The following KCNB2 variants were observed in gnomAD, a reference collection of about 807,000 sequenced individuals.
KCNB2 encodes potassium voltage-gated channel subfamily B member 2.
A neutral mutation model predicts 61.5 loss-of-function variants in KCNB2; 15 were observed. The observed-to-expected ratio is 0.24, with a 90% CI of 0.16 to 0.38. KCNB2 has a LOEUF of 0.38. Ranked by LOEUF, KCNB2 falls within the 10% of genes least tolerant of loss-of-function variation. The pLI, the probability that KCNB2 is intolerant of heterozygous loss-of-function variation, is 1.00. For missense variants in KCNB2, 828 were observed against 1,125.2 expected, an observed-to-expected ratio of 0.74 and a Z score of 3.78; for synonymous variants, 457 against 446.0, an observed-to-expected ratio of 1.02 and a Z score of -0.31.
At position 72,816,927 on chromosome 8, in the gene KCNB2, G is replaced by T. The variant is rs563007601; in HGVS notation, c.580-119008G>T. On this transcript the variant is annotated intron_variant, in intron 2 of 2. Coordinates refer to ENST00000523207, the MANE Select transcript of KCNB2 (RefSeq NM_004770.3). Reference sequence around the variant, plus strand: ...ACTGTTCTTTGATAGCTCAGAAAACGTCCAGGTCTTTCTGTGTCTGTGGGG... The same window carrying T: ...ACTGTTCTTTGATAGCTCAGAAAACTTCCAGGTCTTTCTGTGTCTGTGGGG... Among the ~76,000 whole-genome samples, 34 of 152,256 alleles carry T rather than the reference G, an allele frequency of 2.2e-4. No homozygotes were observed. In the South Asian group the frequency reaches 6.9e-3, roughly 31 times the overall value.
At chr8:72,575,757 CA>C (rs1402679009) in intron 2 of KCNB2, among the ~76,000 whole-genome samples, 1 of 152,012 alleles carries the variant, frequency 6.6e-6, no homozygotes, top group Admixed American at 6.6e-5. Context: ...TAATTTAGAG[CA>C]AAAAATAGAA....
chr8:72,725,591 G>GTGTATATATA (rs368891799), intron 2 of KCNB2, among the ~76,000 whole-genome samples: 4 of 51,956 alleles, frequency 7.7e-5, no homozygotes, highest in Admixed American at 2.2e-4. Context: ...ATATATGTAT[G>GTGTATATATA]TATATATATA....
At chr8:72,660,331 G>T (rs1181682988) in intron 2 of KCNB2, among the ~76,000 whole-genome samples, 8 of 152,248 alleles carry the variant, frequency 5.3e-5, no homozygotes, top group South Asian at 2.1e-4. Flanking sequence ...GAGGATGAAG[G>T]TGGTCCGATG....
chr8:72,705,748 C>G (rs929572164), intron 2 of KCNB2, among the ~76,000 whole-genome samples: 22 of 152,100 alleles, frequency 1.4e-4, no homozygotes, highest in African/African-American at 4.3e-4. Context: ...TAAGAGACAC[C>G]AGAGTTGGTT....
chr8:72,630,919 G>T (rs1805868122), intron 2 of KCNB2, among the ~76,000 whole-genome samples: 1 of 152,040 alleles, frequency 6.6e-6, no homozygotes, highest in Non-Finnish European at 1.5e-5. Context: ...AGTGCAATAG[G>T]CGCCCCTTAT....
intron 2 of KCNB2, among the ~76,000 whole-genome samples, chr8:72,806,293 G>A (rs181612516): frequency 6.6e-6 from 1 of 151,462 alleles, no homozygotes; most frequent in Non-Finnish European, 1.5e-5. Context: ...AGAAGGCGGA[G>A]GTTGCAGTGA....
chr8:72,874,070 T>TA (rs1269579700), intron 2 of KCNB2, among the ~76,000 whole-genome samples: 2 of 152,272 alleles, frequency 1.3e-5, no homozygotes, highest in African/African-American at 4.8e-5. Flanking sequence ...ACTGTGGACT[T>TA]ACATTCTCCT....
At chr8:72,832,435 T>C (rs1294502836) in intron 2 of KCNB2, among the ~76,000 whole-genome samples, 3 of 152,206 alleles carry the variant, frequency 2.0e-5, no homozygotes, top group East Asian at 3.8e-4. Context: ...TTCAAGGTAA[T>C]AATGAGTACA....
intron 2 of KCNB2, among the ~76,000 whole-genome samples, chr8:72,703,120 T>A (rs1302195472): frequency 6.6e-6 from 1 of 152,200 alleles, no homozygotes; most frequent in African/African-American, 2.4e-5. Context: ...AACATCAGCG[T>A]ATAGAAATTA....
intron 2 of KCNB2, among the ~76,000 whole-genome samples, chr8:72,773,691 T>C (rs1227158237): frequency 6.6e-6 from 1 of 152,250 alleles, no homozygotes; most frequent in Non-Finnish European, 1.5e-5. Context: ...ATCTGTGATG[T>C]TAAGTAAAAT....
intron 2 of KCNB2, among the ~76,000 whole-genome samples, chr8:72,600,432 G>C (rs1405532246): frequency 6.6e-6 from 1 of 151,930 alleles, no homozygotes; most frequent in East Asian, 1.9e-4. Flanking sequence ...ATCACACACT[G>C]GGGCCTGTTG....
chr8:72,854,926 C>G (rs1445522005), intron 2 of KCNB2, among the ~76,000 whole-genome samples: 1 of 152,190 alleles, frequency 6.6e-6, no homozygotes, highest in Non-Finnish European at 1.5e-5. Flanking sequence ...AGGTCCCTAG[C>G]TAAGATCCAT....
chr8:72,920,469 C>A (rs56799982), intron 2 of KCNB2, among the ~76,000 whole-genome samples: 29,572 of 63,314 alleles, frequency 0.47, 8,643 homozygotes, highest in Non-Finnish European at 0.57. Flanking sequence ...ATCTATCTAT[C>A]TATCTATATA....
chr8:72,885,717 G>T lies in KCNB2; in HGVS notation c.580-50218G>T, dbSNP rs375565768. Among the ~76,000 whole-genome samples, 43 of 151,706 alleles carry T rather than the reference G, an allele frequency of 2.8e-4. No individual in the cohort carries two copies. The East Asian group carries it at 5.4e-3, about 19-fold the overall frequency. On this transcript the variant is annotated intron_variant, in intron 2 of 2. Coordinates refer to ENST00000523207, the MANE Select transcript of KCNB2 (RefSeq NM_004770.3). Reference sequence around the variant, plus strand: ...CCTCTCTTCCCTCCCTCTTTCTCCTGCCTTTTTCCTTTTTCATTTAGACAT... The same window carrying T: ...CCTCTCTTCCCTCCCTCTTTCTCCTTCCTTTTTCCTTTTTCATTTAGACAT...
intron 2 of KCNB2, among the ~76,000 whole-genome samples, chr8:72,653,224 A>G (rs1208240295): frequency 1.3e-5 from 2 of 152,324 alleles, no homozygotes; most frequent in African/African-American, 4.8e-5. Flanking sequence ...GAGGTTCTCC[A>G]TGAAAATATC....
intron 2 of KCNB2, among the ~76,000 whole-genome samples, chr8:72,667,921 C>G (rs898658222): frequency 1.6e-4 from 25 of 152,220 alleles, no homozygotes; most frequent in Admixed American, 1.4e-3. Context: ...TACTCACTAG[C>G]CCCTGCTCTC....
intron 2 of KCNB2, among the ~76,000 whole-genome samples, chr8:72,625,865 A>G (rs916852096): frequency 6.6e-6 from 1 of 152,182 alleles, no homozygotes; most frequent in African/African-American, 2.4e-5. Flanking sequence ...CGAGTTCTCC[A>G]TGGGCTGAAG....
intron 2 of KCNB2, among the ~76,000 whole-genome samples, chr8:72,631,107 C>T (rs1255404603): frequency 6.6e-6 from 1 of 152,124 alleles, no homozygotes; most frequent in Non-Finnish European, 1.5e-5. Flanking sequence ...AGTTAATATA[C>T]TGCAATAAAA....
chr8:72,564,468 A>G (rs1365512603), intron 1 of KCNB2, among the ~76,000 whole-genome samples: 1 of 152,176 alleles, frequency 6.6e-6, no homozygotes, highest in East Asian at 1.9e-4. Context: ...GCATCAGCTC[A>G]CAGTTTATTT....
Sources: gnomAD v4.1 joint callset for allele counts (sites outside exome capture counted in the v4.1 genomes callset) on GRCh38, gnomAD v4.1.1 for gene constraint, MANE v1.5 for transcripts, NCBI Gene and HGNC (gene_info 2026-07-23, HGNC 2026-07-21) for gene names.